PLEK: variants seen among roughly 807,000 people sequenced by gnomAD.
PLEK encodes the protein pleckstrin, also known as platelet 47 kDa protein.
A neutral mutation model predicts 43.9 loss-of-function variants in PLEK; 25 were observed. That is an observed-to-expected ratio of 0.57 (90% confidence interval 0.41 to 0.79). PLEK has a LOEUF of 0.79. Ranked by LOEUF, PLEK falls within the 30% of genes least tolerant of loss-of-function variation. The pLI is 0.00. For synonymous variants in PLEK, 152 were observed against 144.4 expected (o/e 1.05, Z -0.38); for missense variants, 396 against 413.3 (o/e 0.96, Z 0.36).
At chr2:68,374,907 T>C (rs1425791327) in intron 1 of PLEK, among the ~76,000 whole-genome samples, 1 of 152,200 alleles carries the variant, frequency 6.6e-6, no homozygotes, top group Non-Finnish European at 1.5e-5. Context: ...TTATATATTA[T>C]ATTATACAGT....
intron 3 of PLEK, 63 bp downstream of exon 3, chr2:68,380,967 C>G (rs531160888): frequency 1.4e-6 from 2 of 1,433,212 alleles, no homozygotes; most frequent in East Asian, 4.6e-5. Context: ...ATAGCAGATC[C>G]TGCTCCAAGG....
intron 1 of PLEK, among the ~76,000 whole-genome samples, chr2:68,366,306 G>A (rs78553891): frequency 0.02 from 3,050 of 152,302 alleles, 88 homozygotes; most frequent in African/African-American, 0.07. Context: ...TTTGTTTCAC[G>A]TTTTAACCTA....
intron 5 of PLEK, among the ~76,000 whole-genome samples, chr2:68,387,476 A>G: frequency 6.6e-6 from 1 of 152,182 alleles, no homozygotes; most frequent in East Asian, 1.9e-4. Flanking sequence ...TTCCAAATGT[A>G]TGTTAAAACA....
In PLEK at chr2:68,394,125, G is replaced by A. The variant is rs151175327; in HGVS notation, c.865G>A (p.Ala289Thr). ...TCTTTAGGCAGAAGATCCCCTGGGA[G>A]CAATTCACTTGAGAGGCTGTGTGGT... ...DPAGAEDPLG[A>T]IHLRGCVVTS... The change falls in exon 8 of 9, where the codon GCA (alanine) becomes ACA (threonine). Residue 289 changes from alanine (A) to threonine (T), a missense_variant. Coordinates refer to ENST00000234313, the MANE Select transcript of PLEK (RefSeq NM_002664.3). 2.3e-5 allele frequency: 37 copies of A among 1,609,328 alleles called. No homozygotes were observed. The African/African-American group carries it at 4.5e-4, about 20-fold the overall frequency.
Position 68,380,315 on chromosome 2 carries a change from G to A in PLEK, c.43-13G>A. ...AGCCCTGTCCATCTCAGCTCTTTTG[G>A]TTGTCATTACAGGGGAGCGTGTTCA... is the stretch of plus-strand genomic sequence containing the variant. On this transcript the variant is annotated splice_polypyrimidine_tract_variant and intron_variant, in intron 1 of 8. Coordinates refer to ENST00000234313, the MANE Select transcript of PLEK (RefSeq NM_002664.3). The A allele has an allele frequency of 1.2e-6, 2 of 1,602,172 alleles. No individual in the cohort carries two copies. Among genetic ancestry groups the A allele is most frequent in the Non-Finnish European group, 1.7e-6 (2 of 1,171,784 alleles).
At position 68,384,558 on chromosome 2, in the gene PLEK, G is replaced by A. The variant is rs189758836; in HGVS notation, c.472+1925G>A. 7.2e-5 allele frequency among the ~76,000 whole-genome samples: 11 copies of A among 152,266 alleles called. No homozygotes were observed. In the East Asian group the frequency reaches 1.9e-3, roughly 27 times the overall value. On this transcript the variant is annotated intron_variant, in intron 4 of 8. Coordinates refer to ENST00000234313, the MANE Select transcript of PLEK (RefSeq NM_002664.3). ...ATCCTTCTTGTTGAAGGCCAGGGTG[G>A]GTTTTGGACATTTCTATGGGTAGAG...
intron 6 of PLEK, among the ~76,000 whole-genome samples, chr2:68,391,133 C>T (rs1415541831): frequency 6.6e-6 from 1 of 152,200 alleles, no homozygotes; most frequent in African/African-American, 2.4e-5. Flanking sequence ...CTGAGGCATA[C>T]ATGCATTTCT....
chr2:68,386,597 C>T lies in PLEK; in HGVS notation c.568C>T (p.Leu190=). 6.2e-7 allele frequency: 1 copy of T among 1,613,802 alleles called. No individual in the cohort carries two copies. Among genetic ancestry groups the T allele is most frequent in the Non-Finnish European group, 8.5e-7 (1 of 1,179,690 alleles). Residue 190 remains leucine (L), a synonymous_variant, in exon 5 of 9, where the codon CTG becomes TTG. Coordinates refer to ENST00000234313, the MANE Select transcript of PLEK (RefSeq NM_002664.3). ...IASSLLNEGY[L]QPAGDMSKSA... is the part of the protein sequence containing the mutation. ...TTCATCGCTGCTCAATGAGGGGTAT[C>T]TGCAGCCTGCTGGAGACATGTCCAA...
At position 68,380,720 on chromosome 2, in the gene PLEK, C is replaced by T. The variant is rs1305137060; in HGVS notation, c.199-3C>T. 1 of 1,611,982 alleles carries T rather than the reference C, an allele frequency of 6.2e-7. No individual in the cohort carries two copies. Among genetic ancestry groups the T allele is most frequent in the Middle Eastern group, 1.6e-4 (1 of 6,066 alleles). On this transcript the variant is annotated splice_region_variant and splice_polypyrimidine_tract_variant and intron_variant, in intron 2 of 8. Transcript: ENST00000234313. The stretch of plus-strand genomic sequence containing the variant: ...TTCTAATGGGATGTGTTTTGATTTT[C>T]AGTTTGTGTTTAAGATCACTACGAC...
At chr2:68,373,587 A>T (rs78355762) in intron 1 of PLEK, among the ~76,000 whole-genome samples, 8 of 35,192 alleles carry the variant, frequency 2.3e-4, no homozygotes, top group Admixed American at 1.9e-3. Context: ...TAAAGAAAAT[A>T]AAAAAAAAAA....
At chr2:68,370,863 G>A (rs1238751345) in intron 1 of PLEK, among the ~76,000 whole-genome samples, 5 of 152,162 alleles carry the variant, frequency 3.3e-5, no homozygotes, top group African/African-American at 7.2e-5. Context: ...TTGAATGAAC[G>A]TGTCCCAAAT....
chr2:68,377,764 C>T (rs1213035355), intron 1 of PLEK, among the ~76,000 whole-genome samples: 2 of 152,102 alleles, frequency 1.3e-5, no homozygotes, highest in Non-Finnish European at 2.9e-5. Flanking sequence ...TGTGCAAAAG[C>T]TTTTTACCTT....
intron 6 of PLEK, among the ~76,000 whole-genome samples, chr2:68,389,247 A>AG (rs1558500810): frequency 6.6e-6 from 1 of 152,224 alleles, no homozygotes; most frequent in African/African-American, 2.4e-5. Context: ...GAGAATATTC[A>AG]GGGGGAAGCT....
Position 68,370,426 on chromosome 2 carries a change from ATT to A in PLEK, c.42+5034_42+5035del, listed in dbSNP as rs561887198. ...TGGAGGTCACTCTCTCCCATGTGAGATTGTGAACTATTCGAGAGCAGAGATAG... is the reference window on the plus strand; with the variant it reads ...TGGAGGTCACTCTCTCCCATGTGAGAGTGAACTATTCGAGAGCAGAGATAG... On this transcript the variant is annotated intron_variant, in intron 1 of 8. Coordinates refer to ENST00000234313, the MANE Select transcript of PLEK (RefSeq NM_002664.3). 1.2e-3 allele frequency among the ~76,000 whole-genome samples: 187 copies of A among 152,296 alleles called. 1 individual carries two copies. The highest frequency in any genetic ancestry group is 4.4e-3 in the African/African-American group (182 of 41,558).
Position 68,395,750 on chromosome 2 carries a change from A to G in PLEK, c.987A>G (p.Ala329=), listed in dbSNP as rs762213704. Residue 329 remains alanine, a synonymous_variant, in exon 9 of 9, where the codon GCA becomes GCG. Coordinates refer to ENST00000234313, the MANE Select transcript of PLEK (RefSeq NM_002664.3). Reference sequence around the variant, plus strand: ...ATGAAGTGCACTATTTCTTGCAAGCAGCCACCCCCAAGGAGCGCACAGAGT... The same window carrying G: ...ATGAAGTGCACTATTTCTTGCAAGCGGCCACCCCCAAGGAGCGCACAGAGT... ...TADEVHYFLQ[A]ATPKERTEWI... is the part of the protein sequence containing the mutation. 2 of 1,613,978 alleles carry G rather than the reference A, an allele frequency of 1.2e-6. No homozygotes were observed. The highest frequency in any genetic ancestry group is 1.7e-6 in the Non-Finnish European group (2 of 1,179,858).
At chr2:68,384,154 G>GTTCTCCTTCTCCTTCTCC (rs61680302) in intron 4 of PLEK, among the ~76,000 whole-genome samples, 1 of 149,880 alleles carries the variant, frequency 6.7e-6, no homozygotes, top group Non-Finnish European at 1.5e-5. Context: ...TTTTCTTCTT[G>GTTCTCCTTCTCCTTCTCC]TTCTCCTTCT....
chr2:68,395,345 A>C (rs1044903974), intron 8 of PLEK, among the ~76,000 whole-genome samples: 2 of 152,016 alleles, frequency 1.3e-5, no homozygotes, highest in African/African-American at 4.8e-5. Flanking sequence ...AGAAACTATT[A>C]GAGGTTACTC....
intron 1 of PLEK, among the ~76,000 whole-genome samples, chr2:68,375,843 G>C (rs7579928): frequency 0.5 from 76,495 of 152,000 alleles, 20,598 homozygotes; most frequent in East Asian, 0.73. Context: ...CAGAAATAGA[G>C]ACTTCCCTGT....
Position 68,396,858 on chromosome 2 carries a change from C to T in PLEK, c.*1042C>T, listed in dbSNP as rs1283470055. 2 of 152,224 alleles carry T rather than the reference C, an allele frequency of 1.3e-5. No homozygotes were observed. Among genetic ancestry groups the T allele is most frequent in the African/African-American group, 4.8e-5 (2 of 41,460 alleles). The allele number at this position is 152,224 out of a possible 1,614,324, so 9.4% of individuals were successfully genotyped here. ...ATGATGGGTTAATACAACAACTGCA[C>T]TGTAAGGACTCAGAGCCACACAGAA... is the stretch of plus-strand genomic sequence containing the variant. On this transcript the variant is annotated 3_prime_UTR_variant, in exon 9 of 9. Coordinates refer to ENST00000234313, the MANE Select transcript of PLEK (RefSeq NM_002664.3).
Sources: gnomAD v4.1 joint callset for allele counts (sites outside exome capture counted in the v4.1 genomes callset) on GRCh38, gnomAD v4.1.1 for gene constraint, MANE v1.5 for transcripts, NCBI Gene and HGNC (gene_info 2026-07-23, HGNC 2026-07-21) for gene names.